COL5A3: variants seen among roughly 807,000 people sequenced by gnomAD.
COL5A3 encodes the protein collagen alpha-3(V) chain.
In COL5A3, 172 loss-of-function variants were observed where a neutral mutation model predicts 250.0. That is an observed-to-expected ratio of 0.69 (90% CI 0.61 to 0.78). COL5A3 has a LOEUF of 0.78. COL5A3 is among the 30% of genes least tolerant of loss of function. The probability of loss-of-function intolerance (pLI) is 0.00; values close to 1 mark genes in which losing one functional copy is unlikely to be tolerated. For missense variants in COL5A3, 2,340 were observed against 2,334.4 expected, an observed-to-expected ratio of 1.00 and a Z score of -0.05; for synonymous variants, 937 against 900.4, an observed-to-expected ratio of 1.04 and a Z score of -0.73.
intron 35 of COL5A3, 78 bp from the exon 36 acceptor site, chr19:9,980,125 G>C (rs968186031): frequency 1.9e-5 from 26 of 1,374,664 alleles, no homozygotes; most frequent in Admixed American, 5.1e-5. Flanking sequence ...AATGACAACA[G>C]GATCGAGCAC....
intron 11 of COL5A3, 96 bp downstream of exon 11, chr19:9,997,275 G>A (rs1039568373): frequency 5.8e-5 from 53 of 912,260 alleles, no homozygotes; most frequent in African/African-American, 4.4e-4. Context: ...TGGTGTTCCC[G>A]AGTGCCACAC....
At chr19:10,000,401 G>A (rs2087342933) in intron 8 of COL5A3, among the ~76,000 whole-genome samples, 1 of 146,822 alleles carries the variant, frequency 6.8e-6, no homozygotes, top group Non-Finnish European at 1.5e-5. Flanking sequence ...CTTCCCTGCT[G>A]CCCCTCTGGC....
rs775416624 is a variant in COL5A3, at chr19:9,977,224, C to G, written c.3288+5G>C. The G allele has an allele frequency of 1.2e-6, 2 of 1,613,586 alleles. No individual in the cohort carries two copies. Among genetic ancestry groups the G allele is most frequent in the South Asian group, 2.2e-5 (2 of 91,074 alleles). ...CACCCTGCCCCACTGGGGACCTTCA[C>G]TCACCGCGTCTCCTTTATCGCCTTT... is the stretch of plus-strand genomic sequence containing the variant. On this transcript the variant is annotated splice_donor_5th_base_variant and intron_variant, in intron 44 of 66. Coordinates refer to ENST00000264828, the MANE Select transcript of COL5A3 (RefSeq NM_015719.4).
At chr19:9,987,164 G>A (rs1035792904) in intron 27 of COL5A3, among the ~76,000 whole-genome samples, 4 of 152,206 alleles carry the variant, frequency 2.6e-5, no homozygotes, top group Non-Finnish European at 4.4e-5. Context: ...GCTATGGAGA[G>A]AGCGCTTAGT....
intron 8 of COL5A3, among the ~76,000 whole-genome samples, chr19:10,000,958 G>A (rs1303725323): frequency 6.6e-6 from 1 of 152,070 alleles, no homozygotes; most frequent in African/African-American, 2.4e-5. Context: ...GGTGGGAGGA[G>A]GGAGAGGATC....
rs765441012 is a variant in COL5A3, at chr19:10,006,222, T to A, written c.98A>T (p.Asp33Val). 6.3e-7 allele frequency: 1 copy of A among 1,598,402 alleles called. No homozygotes were observed. The highest frequency in any genetic ancestry group is 8.5e-7 in the Non-Finnish European group (1 of 1,173,166). ...LLPGTQADPVDVLKALGVQGG... is the reference protein window; with the variant it reads ...LLPGTQADPVVVLKALGVQGG... ...CTGCACACCCAGGGCCTTCAGGACA[T>A]CCACAGGATCTGCAGCAGAGAGAAG... The change falls in exon 2 of 67, where the codon GAT becomes GTT. Residue 33 changes from aspartate (D) to valine (V), a missense_variant. By Grantham distance (152) the Asp-to-Val change is radical. This residue lies in a region of COL5A3 where 1,152 missense variants were observed against 1,146.3 expected (regional missense o/e 1.00). Coordinates refer to ENST00000264828, the MANE Select transcript of COL5A3 (RefSeq NM_015719.4).
At chr19:10,008,452 G>GGT (rs4044576) in intron 1 of COL5A3, among the ~76,000 whole-genome samples, 1 of 150,060 alleles carries the variant, frequency 6.7e-6, no homozygotes, top group Non-Finnish European at 1.5e-5. Context: ...GGGTGGGGGG[G>GGT]TCTGTCAGGG....
Position 10,002,286 on chromosome 19 carries a change from G to A in COL5A3, c.850-405C>T, listed in dbSNP as rs114926748. Among the ~76,000 whole-genome samples, 1,156 of 150,112 alleles carry A rather than the reference G, an allele frequency of 7.7e-3. 17 individuals are homozygous for A. The highest frequency in any genetic ancestry group is 0.026 in the African/African-American group (1,084 of 40,954). ...CTGGGTCAAGGTGGGGGTTGGGGGGGTGTGGGAAGAGGGTGGTGGGGTCCC... is the reference window on the plus strand; with the variant it reads ...CTGGGTCAAGGTGGGGGTTGGGGGGATGTGGGAAGAGGGTGGTGGGGTCCC... On this transcript the variant is annotated intron_variant, in intron 6 of 66. Transcript: ENST00000264828.
chr19:9,974,141 C>T (rs771953270), intron 47 of COL5A3, 30 bp downstream of exon 47: 3 of 1,606,580 alleles, frequency 1.9e-6, no homozygotes, highest in South Asian at 2.2e-5. Flanking sequence ...CACCATCCTC[C>T]CCCTCCCACC....
At chr19:9,965,137 CT>C (rs912873558) in intron 64 of COL5A3, among the ~76,000 whole-genome samples, 2 of 146,686 alleles carry the variant, frequency 1.4e-5, no homozygotes, top group African/African-American at 5.0e-5. Context: ...TAGATACTTT[CT>C]TTTTTTCTTT....
chr19:9,998,253 C>CACACACAT, intron 8 of COL5A3, 104 bp from the exon 9 acceptor site: 2 of 1,130,638 alleles, frequency 1.8e-6, no homozygotes, highest in South Asian at 1.5e-5. Flanking sequence ...CACACACACA[C>CACACACAT]ACACGGAGTC....
In COL5A3 at chr19:9,977,467, T is replaced by C; in HGVS notation, c.3132A>G (p.Glu1044=). The C allele has an allele frequency of 6.6e-7, 1 of 1,516,752 alleles. No homozygotes were observed. Among genetic ancestry groups the C allele is most frequent in the Non-Finnish European group, 8.8e-7 (1 of 1,132,828 alleles). 94.0% of individuals were successfully genotyped at this position (1,516,752 alleles called of 1,614,324 possible). The stretch of plus-strand genomic sequence containing the variant: ...TGCCAGTGGGGCCAGGGGGGCCACG[T>C]TCTCCCTGTTGTGGGGAATGGAAAG... ...GPAGKKGSRG[E]RGPPGPTGKD... is the part of the protein sequence containing the mutation. The change falls in exon 43 of 67, where the codon GAA becomes GAG. Residue 1044 remains glutamate, a synonymous_variant. Transcript: ENST00000264828.
chr19:9,992,332 G>A (rs575740415), intron 21 of COL5A3, among the ~76,000 whole-genome samples: 16 of 151,978 alleles, frequency 1.1e-4, no homozygotes, highest in East Asian at 1.9e-4. Context: ...TAGCTTGAAC[G>A]TGGAAGGCGG....
intron 27 of COL5A3, 101 bp from the exon 28 acceptor site, chr19:9,986,859 A>C: frequency 7.5e-7 from 1 of 1,336,782 alleles, no homozygotes; most frequent in Non-Finnish European, 1.0e-6. Flanking sequence ...TCCCAAGAGG[A>C]GGCTAGGCAG....
intron 54 of COL5A3, 106 bp downstream of exon 54, chr19:9,970,516 G>T (rs1568408050): frequency 5.0e-6 from 3 of 598,626 alleles, no homozygotes; most frequent in South Asian, 8.1e-5. Context: ...GTCTGTGGGT[G>T]TGTGGGGTCT....
At chr19:9,999,094 A>G (rs1312014286) in intron 8 of COL5A3, among the ~76,000 whole-genome samples, 1 of 104,460 alleles carries the variant, frequency 9.6e-6, no homozygotes, top group African/African-American at 3.7e-5. Context: ...TTTCAGAGTC[A>G]CTCTATTGCC....
At chr19:9,969,458 C>T (rs894550834) in intron 56 of COL5A3, 56 bp from the exon 57 acceptor site, 1 of 1,380,360 alleles carries the variant, frequency 7.2e-7, no homozygotes, top group Non-Finnish European at 1.0e-6. Flanking sequence ...ACAGTGTGGA[C>T]CCCCCCCCGA....
chr19:9,970,080 G>A (rs1245210420), intron 54 of COL5A3, among the ~76,000 whole-genome samples, 158 bp from the exon 55 acceptor site: 2 of 70,214 alleles, frequency 2.8e-5, no homozygotes, highest in Admixed American at 1.1e-4. Flanking sequence ...GGCTGTGGGT[G>A]AGTGGGGGCT....
chr19:10,000,461 T>C (rs1470761842), intron 8 of COL5A3, among the ~76,000 whole-genome samples: 6 of 134,746 alleles, frequency 4.5e-5, no homozygotes, highest in South Asian at 5.0e-4. Flanking sequence ...TCTTTTTTTT[T>C]TTTTTTTTTT....
Sources: gnomAD v4.1 joint callset for allele counts (sites outside exome capture counted in the v4.1 genomes callset) on GRCh38, gnomAD v4.1.1 for gene constraint, gnomAD v4.1.1 regional missense constraint, MANE v1.5 for transcripts, NCBI Gene and HGNC (gene_info 2026-07-23, HGNC 2026-07-21) for gene names.